DDX4: variants seen among roughly 807,000 people sequenced by gnomAD.
DDX4 encodes the protein DEAD-box helicase 4.
Under a neutral mutation model 100.0 loss-of-function variants are expected in DDX4, and 25 were observed. The observed-to-expected ratio is 0.25, with a 90% CI of 0.18 to 0.35. The LOEUF (loss-of-function observed/expected upper bound fraction) is 0.35, where lower values mean the gene tolerates loss of function less well. Among genes scored for constraint, DDX4 ranks in the 10% least tolerant of loss-of-function variants. DDX4 has a pLI of 1.00. For synonymous variants in DDX4, 259 were observed against 275.7 expected, an observed-to-expected ratio of 0.94 and a Z score of 0.60; for missense variants, 635 against 882.4, an observed-to-expected ratio of 0.72 and a Z score of 3.55.
At chr5:55,742,711 T>C (rs1248502534) in intron 2 of DDX4, among the ~76,000 whole-genome samples, 1 of 152,210 alleles carries the variant, frequency 6.6e-6, no homozygotes, top group Non-Finnish European at 1.5e-5. Flanking sequence ...ACAAGACCTA[T>C]GATTCATTCA....
chr5:55,784,970 T>G (rs1328017340), intron 10 of DDX4, among the ~76,000 whole-genome samples: 1 of 152,248 alleles, frequency 6.6e-6, no homozygotes, highest in Non-Finnish European at 1.5e-5. Context: ...CTGGTGAGTC[T>G]TCCTAGCAAC....
chr5:55,800,972 A>G (rs1195947929), intron 18 of DDX4, among the ~76,000 whole-genome samples: 1 of 152,172 alleles, frequency 6.6e-6, no homozygotes, highest in Non-Finnish European at 1.5e-5. Context: ...GCATAGCCCA[A>G]CTGCCTTTTT....
intron 7 of DDX4, among the ~76,000 whole-genome samples, chr5:55,769,239 A>G (rs977246602): frequency 1.3e-5 from 2 of 151,932 alleles, no homozygotes; most frequent in South Asian, 2.1e-4. Flanking sequence ...CAGGGTTTTT[A>G]TAGTTTTAGG....
chr5:55,778,427 T>C (rs1363707095), intron 7 of DDX4, among the ~76,000 whole-genome samples: 1 of 152,176 alleles, frequency 6.6e-6, no homozygotes, highest in Non-Finnish European at 1.5e-5. Flanking sequence ...AGTTTAAATA[T>C]TTCTTTTCTC....
At chr5:55,810,670 T>TA (rs892430928) in intron 18 of DDX4, among the ~76,000 whole-genome samples, 18 of 151,898 alleles carry the variant, frequency 1.2e-4, no homozygotes, top group African/African-American at 4.1e-4. Flanking sequence ...GTAATACATC[T>TA]AAAAAAAATA....
intron 18 of DDX4, among the ~76,000 whole-genome samples, chr5:55,799,496 C>A (rs1743169858): frequency 6.6e-6 from 1 of 152,158 alleles, no homozygotes; most frequent in Non-Finnish European, 1.5e-5. Context: ...CCACGTCAGT[C>A]CCCTGAGTAG....
At position 55,751,547 on chromosome 5, in the gene DDX4, T is replaced by C. The variant is rs147439773; in HGVS notation, c.127+5326T>C. On this transcript the variant is annotated intron_variant, in intron 3 of 21. Transcript: ENST00000505374. Reference sequence around the variant, plus strand: ...ACCATGCCCAGCATCATTGCTTTACTATGCATGTATCTGACTGTCTCTTCA... The same window carrying C: ...ACCATGCCCAGCATCATTGCTTTACCATGCATGTATCTGACTGTCTCTTCA... Among the ~76,000 whole-genome samples, 138 of 152,380 alleles carry C rather than the reference T, an allele frequency of 9.1e-4. No homozygotes were observed. The Middle Eastern group carries it at 0.01, about 11-fold the overall frequency.
At chr5:55,745,324 T>A (rs574290104) in intron 2 of DDX4, among the ~76,000 whole-genome samples, 1 of 152,260 alleles carries the variant, frequency 6.6e-6, no homozygotes, top group South Asian at 2.1e-4. Context: ...ATGAATATAC[T>A]GTAATATATG....
rs1758841812 is a variant in DDX4, at chr5:55,739,042, T to C, written c.69+10T>C. The C allele has an allele frequency of 6.6e-7, 1 of 1,507,350 alleles. No individual in the cohort carries two copies. The highest frequency in any genetic ancestry group is 9.2e-7 in the Non-Finnish European group (1 of 1,088,578). 93.4% of individuals were successfully genotyped at this position (1,507,350 alleles called of 1,614,324 possible). A position where few individuals can be genotyped will look rare whatever the true frequency, so the allele number is the denominator to read the frequency against. The stretch of plus-strand genomic sequence containing the variant: ...TCCCATATTTGAGAAGGTAATAACA[T>C]TTAAAGTTTAGTTATTAAATGCTAC... On this transcript the variant is annotated intron_variant, in intron 2 of 21. Transcript: ENST00000505374.
chr5:55,797,147 A>T (rs570719481), intron 17 of DDX4, among the ~76,000 whole-genome samples: 1 of 152,128 alleles, frequency 6.6e-6, no homozygotes, highest in Non-Finnish European at 1.5e-5. Context: ...CCCCGCCTCA[A>T]ACTGGAGGAT....
intron 6 of DDX4, among the ~76,000 whole-genome samples, chr5:55,765,369 T>C (rs1323050261): frequency 7.7e-5 from 11 of 143,542 alleles, no homozygotes; most frequent in African/African-American, 2.8e-4. Flanking sequence ...TGATCTACTT[T>C]CTTCTTTTTT....
At chr5:55,782,394 A>C (rs1431730415) in intron 10 of DDX4, 1 of 166,948 alleles carries the variant, frequency 6.0e-6, no homozygotes, top group Non-Finnish European at 1.3e-5. Context: ...CAGAAGGTCA[A>C]GATGAGACCA....
At chr5:55,772,451 C>T (rs556648891) in intron 7 of DDX4, among the ~76,000 whole-genome samples, 2 of 152,156 alleles carry the variant, frequency 1.3e-5, no homozygotes, top group African/African-American at 4.8e-5. Flanking sequence ...TACCATTGCC[C>T]CATAATCTAA....
chr5:55,753,146 C>G (rs1370774138), intron 3 of DDX4, among the ~76,000 whole-genome samples: 8 of 152,050 alleles, frequency 5.3e-5, no homozygotes, highest in African/African-American at 1.4e-4. Flanking sequence ...CCTGTTCACT[C>G]TGATGGTAGT....
rs148485105 is a variant in DDX4, at chr5:55,781,128, C to G, written c.559C>G (p.Pro187Ala). 2 of 1,612,268 alleles carry G rather than the reference C, an allele frequency of 1.2e-6. No homozygotes were observed. Among genetic ancestry groups the G allele is most frequent in the Admixed American group, 3.4e-5 (2 of 59,576 alleles). Reference sequence around the variant, plus strand: ...TGGTGGCCTTTTTGGTTCTAGAAGACCAGTATTAAGTGGCACAGGTGAGAA... The same window carrying G: ...TGGTGGCCTTTTTGGTTCTAGAAGAGCAGTATTAAGTGGCACAGGTGAGAA... ...RTGGLFGSRR[P>A]VLSGTGNGDT... The change falls in exon 9 of 22, where the codon CCA becomes GCA. Residue 187 changes from proline to alanine, a missense_variant. Coordinates refer to ENST00000505374, the MANE Select transcript of DDX4 (RefSeq NM_024415.3).
At position 55,765,413 on chromosome 5, in the gene DDX4, A is replaced by AAAAAATAT. The variant is rs1392558099; in HGVS notation, c.334+1350_334+1351insAAAATATA. Among the ~76,000 whole-genome samples the AAAAAATAT allele has an allele frequency of 1.4e-4, 12 of 83,008 alleles. No individual in the cohort carries two copies. In the East Asian group the frequency reaches 2.3e-3, roughly 16 times the overall value. The allele number at this position is 83,008 out of a possible 152,430, so 54.5% of individuals were successfully genotyped here. Reference sequence around the variant, plus strand: ...GTTCCCCTAAAAAAAAAAAAAAAAAAATATATATATATATATATATATATG... The same window carrying AAAAAATAT: ...GTTCCCCTAAAAAAAAAAAAAAAAAAAAAAATATATATATATATATATATATATATATG... On this transcript the variant is annotated intron_variant, in intron 6 of 21. Transcript: ENST00000505374.
chr5:55,746,543 A>G (rs1249058747), intron 3 of DDX4, among the ~76,000 whole-genome samples: 1 of 152,220 alleles, frequency 6.6e-6, no homozygotes, highest in African/African-American at 2.4e-5. Flanking sequence ...ATATAGGACT[A>G]TAAGGTTGTC....
intron 18 of DDX4, among the ~76,000 whole-genome samples, chr5:55,807,000 G>T (rs1214963184): frequency 6.6e-6 from 1 of 152,152 alleles, no homozygotes; most frequent in Non-Finnish European, 1.5e-5. Context: ...ATGAATCTGG[G>T]TGCTCCTGTA....
chr5:55,780,365 A>G (rs549523843), intron 8 of DDX4, among the ~76,000 whole-genome samples: 1 of 152,270 alleles, frequency 6.6e-6, no homozygotes, highest in South Asian at 2.1e-4. Context: ...TAAACAGGTG[A>G]CCTTCTATGT....
Sources: allele counts gnomAD v4.1 joint callset (sites outside exome capture counted in the v4.1 genomes callset), GRCh38; gene constraint gnomAD v4.1.1; transcripts MANE v1.5; gene names NCBI Gene and HGNC (gene_info 2026-07-23, HGNC 2026-07-21).